Variants in TMEM131L observed in about 807,000 individuals in gnomAD.
TMEM131L encodes the protein transmembrane protein 131-like.
A neutral mutation model predicts 192.2 loss-of-function variants in TMEM131L; 54 were observed. The ratio of observed to expected loss-of-function variants is 0.28; its 90% confidence interval spans 0.23 to 0.35. The LOEUF (loss-of-function observed/expected upper bound fraction) is 0.35, where lower values mean the gene tolerates loss of function less well. TMEM131L is among the 10% of genes least tolerant of loss of function. The pLI, the probability that TMEM131L is intolerant of heterozygous loss-of-function variation, is 1.00. For synonymous variants in TMEM131L, 701 were observed against 704.9 expected (o/e 0.99, Z 0.09); for missense variants, 1,888 against 1,972.9 (o/e 0.96, Z 0.82).
intron 9 of TMEM131L, among the ~76,000 whole-genome samples, chr4:153,582,540 A>G (rs896134672): frequency 1.4e-5 from 2 of 143,360 alleles, no homozygotes; most frequent in African/African-American, 5.3e-5. Context: ...TGGCCTCCCA[A>G]AGTGCTGGGA....
intron 25 of TMEM131L, among the ~76,000 whole-genome samples, chr4:153,607,838 T>C (rs1215172434): frequency 3.9e-5 from 6 of 152,146 alleles, no homozygotes; most frequent in African/African-American, 1.4e-4. Context: ...TAATAGAAAA[T>C]GTGTCATATT....
chr4:153,523,743 G>C (rs1015304238), intron 3 of TMEM131L, among the ~76,000 whole-genome samples: 2 of 152,140 alleles, frequency 1.3e-5, no homozygotes, highest in Non-Finnish European at 2.9e-5. Flanking sequence ...AAAGTCTGCG[G>C]TTAGTGTTAA....
chr4:153,589,144 A>G, intron 16 of TMEM131L, 137 bp downstream of exon 16: 1 of 467,094 alleles, frequency 2.1e-6, no homozygotes, highest in Non-Finnish European at 3.8e-6. Flanking sequence ...CAGACCCTAT[A>G]TACTATGCAT....
At chr4:153,579,506 T>G (rs1269779250) in intron 7 of TMEM131L, among the ~76,000 whole-genome samples, 1 of 152,244 alleles carries the variant, frequency 6.6e-6, no homozygotes, top group Non-Finnish European at 1.5e-5. Context: ...AAATATATTT[T>G]ATTCTTTTTC....
At chr4:153,547,976 C>G (rs1042564937) in intron 3 of TMEM131L, among the ~76,000 whole-genome samples, 2 of 152,114 alleles carry the variant, frequency 1.3e-5, no homozygotes, top group Non-Finnish European at 2.9e-5. Context: ...TATGCAGTAG[C>G]CTGACTTTTC....
At position 153,598,742 on chromosome 4, in the gene TMEM131L, T is replaced by C; in HGVS notation, c.2266+10T>C. The C allele has an allele frequency of 4.4e-6, 7 of 1,598,840 alleles. No homozygotes were observed. Among genetic ancestry groups the C allele is most frequent in the African/African-American group, 1.3e-5 (1 of 74,620 alleles). ...ATGGACTGCCGTAGACGTGAGTTCATATGTGTGGCACTCTGACAGGGGAGG... is the reference window on the plus strand; with the variant it reads ...ATGGACTGCCGTAGACGTGAGTTCACATGTGTGGCACTCTGACAGGGGAGG... On this transcript the variant is annotated intron_variant, in intron 21 of 34. Transcript: ENST00000409959.
At chr4:153,517,249 G>A (rs1281004947) in intron 3 of TMEM131L, among the ~76,000 whole-genome samples, 1 of 152,168 alleles carries the variant, frequency 6.6e-6, no homozygotes, top group East Asian at 1.9e-4. Context: ...GGACTTATTT[G>A]CTATGCCTGG....
intron 3 of TMEM131L, among the ~76,000 whole-genome samples, chr4:153,512,747 G>A (rs1046274480): frequency 2.6e-5 from 4 of 152,098 alleles, no homozygotes; most frequent in African/African-American, 4.8e-5. Flanking sequence ...CTGAGTAGCT[G>A]GGACTACAGG....
chr4:153,628,521 A>G (rs1166481901), intron 31 of TMEM131L, among the ~76,000 whole-genome samples: 2 of 152,218 alleles, frequency 1.3e-5, no homozygotes, highest in Non-Finnish European at 2.9e-5. Context: ...TGCTCTGCAC[A>G]TTGGAGAATT....
chr4:153,558,364 T>C lies in TMEM131L; in HGVS notation c.656T>C (p.Met219Thr). The change falls in exon 7 of 35, where the codon ATG (methionine) becomes ACG (threonine). Residue 219 changes from methionine to threonine, a missense_variant. By Grantham distance (81) the Met-to-Thr change is moderately conservative. Coordinates refer to ENST00000409959, the MANE Select transcript of TMEM131L (RefSeq NM_001131007.2). The stretch of plus-strand genomic sequence containing the variant: ...GTCCAGAGCATTCAGCTGTCTCAAA[T>C]GCAGGTCATTTTAATAGATTTACTT... ...PKVQSIQLSQMQAETTNTSLL... is the reference protein window; with the variant it reads ...PKVQSIQLSQTQAETTNTSLL... The C allele has an allele frequency of 6.3e-7, 1 of 1,585,084 alleles. No individual in the cohort carries two copies. Among genetic ancestry groups the C allele is most frequent in the Non-Finnish European group, 8.6e-7 (1 of 1,156,860 alleles).
rs1216119441 is a variant in TMEM131L at position 153,582,420 on chromosome 4, GT to G, written c.893-761del. On this transcript the variant is annotated intron_variant, in intron 9 of 34. Transcript: ENST00000409959. ...CCACTATGCCTGGCTAATTTAAACC[GT>G]TTTTTTTTGTTGTTTTTTTTTTTTT... is the stretch of plus-strand genomic sequence containing the variant. Among the ~76,000 whole-genome samples, 64 of 81,834 alleles carry G rather than the reference GT, an allele frequency of 7.8e-4. No homozygotes were observed. In the South Asian group the frequency reaches 0.022, roughly 28 times the overall value. 53.7% of individuals were successfully genotyped at this position (81,834 alleles called of 152,430 possible).
At chr4:153,540,891 C>T (rs1165548284) in intron 3 of TMEM131L, among the ~76,000 whole-genome samples, 3 of 152,074 alleles carry the variant, frequency 2.0e-5, no homozygotes, top group Admixed American at 6.5e-5. Flanking sequence ...GCTTAGGGTT[C>T]GTGTGAATTT....
intron 3 of TMEM131L, among the ~76,000 whole-genome samples, chr4:153,503,047 A>C (rs544282179): frequency 5.9e-5 from 9 of 152,136 alleles, no homozygotes; most frequent in African/African-American, 2.2e-4. Flanking sequence ...ATTTTTAGTT[A>C]GAAGAACTCA....
At position 153,603,442 on chromosome 4, in the gene TMEM131L, C is replaced by G. The variant is rs377120944; in HGVS notation, c.2779C>G (p.His927Asp). The change falls in exon 24 of 35, where the codon CAT becomes GAT. Residue 927 changes from histidine to aspartate, a missense_variant. His to Asp is a moderately conservative substitution (Grantham distance 81). Transcript: ENST00000409959. The part of the protein sequence containing the change: ...NNGPMDVISP[H>D]SYKSNCKNFL... ...TGGTCCTATGGATGTAATCAGCCCC[C>G]ATTCTTACAAGTAAGAATTCTTATA... 4 of 1,613,180 alleles carry G rather than the reference C, an allele frequency of 2.5e-6. No homozygotes were observed. Among genetic ancestry groups the G allele is most frequent in the Non-Finnish European group, 3.4e-6 (4 of 1,179,766 alleles).
intron 3 of TMEM131L, among the ~76,000 whole-genome samples, chr4:153,537,097 C>T (rs976585815): frequency 1.3e-5 from 2 of 152,220 alleles, no homozygotes; most frequent in African/African-American, 4.8e-5. Context: ...CTCACGGACA[C>T]ACCCAGGATC....
intron 24 of TMEM131L, 101 bp downstream of exon 24, chr4:153,603,553 C>A: frequency 7.5e-7 from 1 of 1,328,254 alleles, no homozygotes; most frequent in Non-Finnish European, 1.0e-6. Flanking sequence ...TTTGATTCTA[C>A]ATTTGCTTTC....
In TMEM131L at chr4:153,466,402, C is replaced by A; in HGVS notation, c.5C>A (p.Ala2Glu). 1 of 1,338,836 alleles carries A rather than the reference C, an allele frequency of 7.5e-7. No individual in the cohort carries two copies. Among genetic ancestry groups the A allele is most frequent in the Admixed American group, 3.0e-5 (1 of 33,128 alleles). 82.9% of individuals were successfully genotyped at this position (1,338,836 alleles called of 1,614,324 possible). A position where few individuals can be genotyped will look rare whatever the true frequency, so the allele number is the denominator to read the frequency against. Residue 2 changes from alanine to glutamate, a missense_variant, in exon 1 of 35, where the codon GCG becomes GAG. Coordinates refer to ENST00000409959, the MANE Select transcript of TMEM131L (RefSeq NM_001131007.2). Reference sequence around the variant, plus strand: ...GAGAGGAGCGCGAGCAGCAGCATGGCGGGGCTCCGACGCCCGCAGCCCGGC... The same window carrying A: ...GAGAGGAGCGCGAGCAGCAGCATGGAGGGGCTCCGACGCCCGCAGCCCGGC... M[A>E]GLRRPQPGCY... is the part of the protein sequence containing the mutation.
intron 31 of TMEM131L, among the ~76,000 whole-genome samples, chr4:153,630,393 G>C (rs776521448): frequency 1.3e-5 from 2 of 152,186 alleles, no homozygotes; most frequent in African/African-American, 4.8e-5. Context: ...AGACCACCAG[G>C]GTCTACCTTA....
At chr4:153,573,751 A>G (rs1729749809) in intron 7 of TMEM131L, among the ~76,000 whole-genome samples, 1 of 152,162 alleles carries the variant, frequency 6.6e-6, no homozygotes, top group African/African-American at 2.4e-5. Context: ...GTTCTGTTCC[A>G]ATCATGAAAT....
Sources: allele counts gnomAD v4.1 joint callset (sites outside exome capture counted in the v4.1 genomes callset), GRCh38; gene constraint gnomAD v4.1.1; transcripts MANE v1.5; gene names NCBI Gene and HGNC (gene_info 2026-07-23, HGNC 2026-07-21).